EYA2: variants seen among roughly 807,000 people sequenced by gnomAD.
EYA2 encodes the protein EYA transcriptional coactivator and phosphatase 2.
EYA2 carries 31 observed loss-of-function variants against 69.2 expected under a neutral mutation model. That is an observed-to-expected ratio of 0.45 (90% CI 0.34 to 0.60). The LOEUF is 0.60. Ranked by LOEUF, EYA2 falls within the 20% of genes least tolerant of loss-of-function variation. The probability of loss-of-function intolerance (pLI) is 0.02; values close to 1 mark genes in which losing one functional copy is unlikely to be tolerated. For synonymous variants in EYA2, 257 were observed against 279.4 expected (o/e 0.92, Z 0.80); for missense variants, 622 against 701.2 (o/e 0.89, Z 1.28).
rs543097237 is a variant in EYA2 at position 46,994,434 on chromosome 20, T to C, written c.109+4315T>C. Among the ~76,000 whole-genome samples, 3 of 152,344 alleles carry C rather than the reference T, an allele frequency of 2.0e-5. No individual in the cohort carries two copies. The South Asian group carries it at 6.2e-4, about 32-fold the overall frequency. ...AAATGCACATGCATTTTTCAGAAAC[T>C]GATGCTCTAATCTCATTGTTTCCAA... On this transcript the variant is annotated intron_variant, in intron 2 of 15. Transcript: ENST00000327619.
At chr20:47,004,860 A>G in intron 3 of EYA2, 82 bp from the exon 4 acceptor site, 1 of 1,589,874 alleles carries the variant, frequency 6.3e-7, no homozygotes, top group Non-Finnish European at 8.6e-7. Flanking sequence ...CCCCAAAGAA[A>G]AATGGGGGTG....
At chr20:46,972,546 A>G (rs1466412866) in intron 1 of EYA2, among the ~76,000 whole-genome samples, 1 of 152,196 alleles carries the variant, frequency 6.6e-6, no homozygotes, top group Non-Finnish European at 1.5e-5. Context: ...TTCACTTTTA[A>G]GGATGGAGAA....
chr20:46,975,185 C>T (rs59791349), intron 1 of EYA2, among the ~76,000 whole-genome samples: 34,707 of 151,996 alleles, frequency 0.23, 4,169 homozygotes, highest in Non-Finnish European at 0.27. Flanking sequence ...GTGGTGGTTA[C>T]GCAGAGCTGC....
chr20:46,995,197 G>A (rs895807872), intron 2 of EYA2, among the ~76,000 whole-genome samples: 4 of 152,152 alleles, frequency 2.6e-5, no homozygotes, highest in Non-Finnish European at 5.9e-5. Flanking sequence ...CACCGTGCCT[G>A]GCCTGTTGTT....
At chr20:47,069,889 T>C (rs1035275926) in intron 5 of EYA2, among the ~76,000 whole-genome samples, 4 of 152,114 alleles carry the variant, frequency 2.6e-5, no homozygotes, top group South Asian at 2.1e-4. Flanking sequence ...AAAAGATGAA[T>C]TTAAGTCCTT....
intron 1 of EYA2, among the ~76,000 whole-genome samples, chr20:46,989,310 G>T (rs1208141971): frequency 6.6e-6 from 1 of 152,156 alleles, no homozygotes; most frequent in Non-Finnish European, 1.5e-5. Flanking sequence ...TCTGTCGCGA[G>T]GCTGGAGTGC....
At chr20:47,034,053 T>C (rs1786643390) in intron 5 of EYA2, among the ~76,000 whole-genome samples, 1 of 152,230 alleles carries the variant, frequency 6.6e-6, no homozygotes, top group African/African-American at 2.4e-5. Flanking sequence ...AAGTCTCTAT[T>C]TGATGCTGAT....
chr20:47,161,342 A>G, intron 10 of EYA2: 1 of 474,928 alleles, frequency 2.1e-6, no homozygotes, highest in South Asian at 1.9e-5. Context: ...CACCGATGAC[A>G]ATAAATCCCT....
rs560500273 is a variant in EYA2 at position 46,927,530 on chromosome 20, G to A, written c.-11+32543G>A. ...GGAGGCCTCACAATCATGGCAGAAG[G>A]CAAAAGGGCACATCTTACATGGCGG... is the stretch of plus-strand genomic sequence containing the variant. On this transcript the variant is annotated intron_variant, in intron 1 of 15. Transcript: ENST00000327619. Among the ~76,000 whole-genome samples, 20 of 147,032 alleles carry A rather than the reference G, an allele frequency of 1.4e-4. No individual in the cohort carries two copies. The South Asian group carries it at 4.3e-3, about 32-fold the overall frequency.
At chr20:46,954,474 A>G (rs1344036619) in intron 1 of EYA2, among the ~76,000 whole-genome samples, 10 of 152,136 alleles carry the variant, frequency 6.6e-5, no homozygotes, top group Non-Finnish European at 7.4e-5. Context: ...CTAAATTCCA[A>G]CTCATTTTGA....
intron 5 of EYA2, among the ~76,000 whole-genome samples, chr20:47,067,681 C>A (rs190530501): frequency 6.6e-6 from 1 of 152,266 alleles, no homozygotes; most frequent in East Asian, 1.9e-4. Context: ...GAGGAACTAT[C>A]TTAAATGACT....
At chr20:46,957,932 G>T (rs1979236593) in intron 1 of EYA2, among the ~76,000 whole-genome samples, 1 of 152,110 alleles carries the variant, frequency 6.6e-6, no homozygotes, top group African/African-American at 2.4e-5. Flanking sequence ...TACATTCCCT[G>T]CTCTCCCTAC....
chr20:46,976,725 A>G (rs1980489322), intron 1 of EYA2, among the ~76,000 whole-genome samples: 1 of 152,216 alleles, frequency 6.6e-6, no homozygotes. Flanking sequence ...ATCAGGGAGT[A>G]AAAACAGCAC....
At chr20:47,154,367 GA>G in intron 10 of EYA2, among the ~76,000 whole-genome samples, 1 of 152,118 alleles carries the variant, frequency 6.6e-6, no homozygotes, top group South Asian at 2.1e-4. Flanking sequence ...GCCACATAGG[GA>G]GGTTAGATTT....
chr20:47,122,239 C>A (rs1329754592), intron 9 of EYA2, among the ~76,000 whole-genome samples: 2 of 150,392 alleles, frequency 1.3e-5, no homozygotes, highest in East Asian at 3.9e-4. Flanking sequence ...TCATTTTCTT[C>A]ATAACATTTG....
At chr20:47,160,486 T>TGGGGCGG (rs2034042260) in intron 10 of EYA2, among the ~76,000 whole-genome samples, 1 of 151,998 alleles carries the variant, frequency 6.6e-6, no homozygotes, top group Non-Finnish European at 1.5e-5. Flanking sequence ...TGGACCACGG[T>TGGGGCGG]GGGGCGGGGG....
intron 8 of EYA2, 134 bp from the exon 9 acceptor site, chr20:47,096,951 G>A: frequency 1.5e-6 from 1 of 686,918 alleles, no homozygotes; most frequent in Non-Finnish European, 2.5e-6. Context: ...ACACATCAGT[G>A]AGTTACATGT....
chr20:47,120,226 A>T (rs1460775045), intron 9 of EYA2, among the ~76,000 whole-genome samples: 2 of 151,810 alleles, frequency 1.3e-5, no homozygotes, highest in Non-Finnish European at 2.9e-5. Flanking sequence ...AATTAAATAA[A>T]ATAGCCAGGC....
intron 2 of EYA2, among the ~76,000 whole-genome samples, chr20:46,998,652 G>A (rs749692648): frequency 6.6e-6 from 1 of 152,188 alleles, no homozygotes; most frequent in Non-Finnish European, 1.5e-5. Flanking sequence ...TATCATGTGT[G>A]TTTATGATAA....
Sources: allele counts gnomAD v4.1 joint callset (sites outside exome capture counted in the v4.1 genomes callset), GRCh38; gene constraint gnomAD v4.1.1; transcripts MANE v1.5; gene names NCBI Gene and HGNC (gene_info 2026-07-23, HGNC 2026-07-21).